Variants in ZBTB25 observed in about 807,000 individuals in gnomAD.
The protein encoded by ZBTB25 is zinc finger and BTB domain containing 25, also known as zinc finger and BTB domain-containing protein 25.
Under a neutral mutation model 34.2 loss-of-function variants are expected in ZBTB25, and 20 were observed. The ratio of observed to expected loss-of-function variants is 0.58; its 90% CI spans 0.41 to 0.85. ZBTB25 has a LOEUF of 0.85. Ranked by LOEUF, ZBTB25 falls within the 40% of genes least tolerant of loss-of-function variation. ZBTB25 has a pLI of 0.00. For missense variants in ZBTB25, 437 were observed against 521.8 expected (o/e 0.84, Z 1.58); for synonymous variants, 175 against 186.4 (o/e 0.94, Z 0.50).
rs949766658 is a variant in ZBTB25 at position 64,486,559 on chromosome 14, G to T, written c.*364C>A. On this transcript the variant is annotated 3_prime_UTR_variant, in exon 3 of 3. Transcript: ENST00000608382. ...AAATGTAGGCAGAAGTGATAGTTTAGAATATGCTTTAAAACAGATTTCATT... is the reference window on the plus strand; with the variant it reads ...AAATGTAGGCAGAAGTGATAGTTTATAATATGCTTTAAAACAGATTTCATT... The T allele has an allele frequency of 1.7e-5, 16 of 948,868 alleles. No homozygotes were observed. The highest frequency in any genetic ancestry group is 1.9e-5 in the Non-Finnish European group (15 of 793,318). 58.8% of individuals were successfully genotyped at this position (948,868 alleles called of 1,614,324 possible). A position where few individuals can be genotyped will look rare whatever the true frequency, so the allele number is the denominator to read the frequency against.
intron 2 of ZBTB25, among the ~76,000 whole-genome samples, chr14:64,488,761 G>C (rs1040927043): frequency 2.0e-5 from 3 of 152,122 alleles, no homozygotes; most frequent in Admixed American, 6.5e-5. Flanking sequence ...GGTGAGATGG[G>C]GAGTTATTGC....
chr14:64,490,118 G>C (rs2079024935), intron 2 of ZBTB25, among the ~76,000 whole-genome samples: 1 of 142,214 alleles, frequency 7.0e-6, no homozygotes, highest in South Asian at 2.3e-4. Context: ...TGAGGCAGGA[G>C]AATCGCTTGT....
exon 3 of ZBTB25, chr14:64,449,504 T>C: frequency 1.2e-6 from 2 of 1,614,176 alleles, no homozygotes; most frequent in South Asian, 2.2e-5. Flanking sequence ...CATGGGGCTT[T>C]TGATGCCGTG....
chr14:64,497,602 A>T (rs1429522221), intron 1 of ZBTB25, among the ~76,000 whole-genome samples: 11 of 152,192 alleles, frequency 7.2e-5, no homozygotes, highest in Admixed American at 6.5e-4. Flanking sequence ...TTTAGCATTG[A>T]TATTTAAGAG....
intron 2 of ZBTB25, among the ~76,000 whole-genome samples, chr14:64,489,196 T>C (rs1478742283): frequency 1.3e-5 from 2 of 151,950 alleles, no homozygotes; most frequent in African/African-American, 4.8e-5. Context: ...TGCAGTGAGC[T>C]GAGATCATGC....
chr14:64,459,346 T>G (rs1366465330), intron 2 of ZBTB25, among the ~76,000 whole-genome samples: 1 of 152,112 alleles, frequency 6.6e-6, no homozygotes, highest in Non-Finnish European at 1.5e-5. Context: ...GTGGAACAGG[T>G]TGGGGGAGCA....
chr14:64,498,881 G>T (rs112758987), intron 1 of ZBTB25, among the ~76,000 whole-genome samples: 1 of 151,936 alleles, frequency 6.6e-6, no homozygotes, highest in Non-Finnish European at 1.5e-5. Flanking sequence ...TGATCCACCC[G>T]CCTCGGCCTC....
At position 64,487,574 on chromosome 14, in the gene ZBTB25, G is replaced by A. The variant is rs762448247; in HGVS notation, c.657C>T (p.Pro219=). The change falls in exon 3 of 3, where the codon CCC becomes CCT. Residue 219 remains proline, a synonymous_variant. Coordinates refer to ENST00000608382, the MANE Select transcript of ZBTB25 (RefSeq NM_006977.5). ...GGCCTGTCACCTCTGATGAGGGTGAGGGGTGGCTCTGGGAGATCACAGATT... is the reference window on the plus strand; with the variant it reads ...GGCCTGTCACCTCTGATGAGGGTGAAGGGTGGCTCTGGGAGATCACAGATT... ...DPESVISQSH[P]SPSSEVTGPT... is the part of the protein sequence containing the mutation. 1.2e-6 allele frequency: 2 copies of A among 1,608,992 alleles called. No homozygotes were observed. The highest frequency in any genetic ancestry group is 2.2e-5 in the South Asian group (2 of 90,750).
At chr14:64,500,475 A>AAAAAT (rs35009526) in intron 1 of ZBTB25, among the ~76,000 whole-genome samples, 1 of 70,526 alleles carries the variant, frequency 1.4e-5, no homozygotes, top group Non-Finnish European at 3.1e-5. Flanking sequence ...AAAAAAAAAA[A>AAAAAT]AGAGAGAGAG....
At chr14:64,450,413 A>G (rs1275590786) in intron 2 of ZBTB25, among the ~76,000 whole-genome samples, 12 of 152,162 alleles carry the variant, frequency 7.9e-5, no homozygotes, top group Admixed American at 7.9e-4. Context: ...GGGCCCTCAC[A>G]TGCAAAACCA....
chr14:64,473,423 A>G (rs1033897510), downstream of ZBTB25: 1 of 166,940 alleles, frequency 6.0e-6, no homozygotes, highest in African/African-American at 2.4e-5. Context: ...AATCTCTTTT[A>G]TTTACTTCTG....
chr14:64,493,492 G>A (rs74835102), intron 1 of ZBTB25, among the ~76,000 whole-genome samples: 78 of 152,266 alleles, frequency 5.1e-4, no homozygotes, highest in African/African-American at 1.7e-3. Context: ...ATCATTAGGC[G>A]TGAGTAAAGA....
At chr14:64,477,652 C>A (rs1398334956), downstream of ZBTB25, among the ~76,000 whole-genome samples, 1 of 152,204 alleles carries the variant, frequency 6.6e-6, no homozygotes, top group East Asian at 1.9e-4. Flanking sequence ...TCACTTTCTA[C>A]AGAACCACTC....
At chr14:64,455,396 C>T (rs761728020) in intron 2 of ZBTB25, among the ~76,000 whole-genome samples, 18 of 152,252 alleles carry the variant, frequency 1.2e-4, no homozygotes, top group Admixed American at 3.9e-4. Context: ...TGCTTATTTA[C>T]GCTTCAAGGT....
Position 64,486,796 on chromosome 14 carries a change from A to G in ZBTB25, c.*127T>C. 7.0e-7 allele frequency: 1 copy of G among 1,433,616 alleles called. No individual in the cohort carries two copies. The highest frequency in any genetic ancestry group is 9.1e-7 in the Non-Finnish European group (1 of 1,097,936). 88.8% of individuals were successfully genotyped at this position (1,433,616 alleles called of 1,614,324 possible). ...GAGAAGATCTAATATATACAACCTT[A>G]AAACCATGGATAAGCTGTGAAGAAA... On this transcript the variant is annotated 3_prime_UTR_variant, in exon 3 of 3. Coordinates refer to ENST00000608382, the MANE Select transcript of ZBTB25 (RefSeq NM_006977.5).
chr14:64,485,045 A>T lies in ZBTB25; in HGVS notation c.*1878T>A. On this transcript the variant is annotated 3_prime_UTR_variant, in exon 3 of 3. Coordinates refer to ENST00000608382, the MANE Select transcript of ZBTB25 (RefSeq NM_006977.5). ...ATCAGTCTTAACCATAGGAGCCTTT[A>T]CTCACTTGTTTAAGGCAGAAACTCA... 1 of 985,450 alleles carries T rather than the reference A, an allele frequency of 1.0e-6. No homozygotes were observed. Among genetic ancestry groups the T allele is most frequent in the Non-Finnish European group, 1.2e-6 (1 of 829,934 alleles). 61.0% of individuals were successfully genotyped at this position (985,450 alleles called of 1,614,324 possible).
At chr14:64,464,125 C>T (rs1381555141) in intron 2 of ZBTB25, among the ~76,000 whole-genome samples, 1 of 151,886 alleles carries the variant, frequency 6.6e-6, no homozygotes, top group Non-Finnish European at 1.5e-5. Flanking sequence ...CCTTGACCTT[C>T]TGGGCCCAAG....
intron 1 of ZBTB25, among the ~76,000 whole-genome samples, chr14:64,501,421 G>T (rs1472635525): frequency 6.6e-6 from 1 of 152,210 alleles, no homozygotes; most frequent in South Asian, 2.1e-4. Context: ...CATAGCCTGT[G>T]CTAATAAACT....
Position 64,490,554 on chromosome 14 carries a change from C to A in ZBTB25, c.-7-14G>T. 6.2e-7 allele frequency: 1 copy of A among 1,603,140 alleles called. No individual in the cohort carries two copies. Among genetic ancestry groups the A allele is most frequent in the Non-Finnish European group, 8.5e-7 (1 of 1,173,628 alleles). ...TCCATTGTGGTTCTGAAAAAAAGGACAAGATAAATGTAGATAGGTGTGTAT... is the reference window on the plus strand; with the variant it reads ...TCCATTGTGGTTCTGAAAAAAAGGAAAAGATAAATGTAGATAGGTGTGTAT... On this transcript the variant is annotated splice_polypyrimidine_tract_variant and intron_variant, in intron 1 of 2. Coordinates refer to ENST00000608382, the MANE Select transcript of ZBTB25 (RefSeq NM_006977.5).
Sources: allele counts gnomAD v4.1 joint callset (sites outside exome capture counted in the v4.1 genomes callset), GRCh38; gene constraint gnomAD v4.1.1; transcripts MANE v1.5; gene names NCBI Gene and HGNC (gene_info 2026-07-23, HGNC 2026-07-21).